The following RNF216 variants were observed in gnomAD, a reference collection of about 807,000 sequenced individuals.
The protein encoded by RNF216 is E3 ubiquitin-protein ligase RNF216.
RNF216 carries 72 observed loss-of-function variants against 110.8 expected under a neutral mutation model. The ratio of observed to expected loss-of-function variants is 0.65; its 90% CI spans 0.54 to 0.79. RNF216 has a LOEUF of 0.79. Ranked by LOEUF, RNF216 falls within the 30% of genes least tolerant of loss-of-function variation. The pLI, the probability that RNF216 is intolerant of heterozygous loss-of-function variation, is 0.00. For missense variants in RNF216, 1,342 were observed against 1,141.2 expected (o/e 1.18, Z -2.54); for synonymous variants, 495 against 407.5 (o/e 1.21, Z -2.59).
chr7:5,753,400 T>G (rs951493149), intron 2 of RNF216, among the ~76,000 whole-genome samples: 1 of 152,206 alleles, frequency 6.6e-6, no homozygotes, highest in African/African-American at 2.4e-5. Context: ...TTTTAATTGT[T>G]TAAAATATTG....
At chr7:5,773,631 G>A (rs781059493) in intron 1 of RNF216, among the ~76,000 whole-genome samples, 17 of 151,610 alleles carry the variant, frequency 1.1e-4, no homozygotes, top group African/African-American at 3.9e-4. Context: ...GCAGTGGCAC[G>A]ATCTCAGCTC....
intron 5 of RNF216, among the ~76,000 whole-genome samples, chr7:5,736,638 CG>C (rs1325855144): frequency 8.0e-5 from 12 of 149,950 alleles, no homozygotes; most frequent in African/African-American, 2.5e-4. Context: ...AAGTGAGGAG[CG>C]CCTCTTCCCG....
At chr7:5,705,677 G>A (rs1441365355) in intron 13 of RNF216, among the ~76,000 whole-genome samples, 1 of 152,132 alleles carries the variant, frequency 6.6e-6, no homozygotes, top group Non-Finnish European at 1.5e-5. Context: ...GGGAGGCCAA[G>A]GCAGGCAGAT....
At chr7:5,627,860 G>A (rs1410508886) in intron 15 of RNF216, among the ~76,000 whole-genome samples, 2 of 152,126 alleles carry the variant, frequency 1.3e-5, no homozygotes, top group African/African-American at 4.8e-5. Context: ...GCCCCCTGTG[G>A]CACTGCTGAG....
intron 1 of RNF216, among the ~76,000 whole-genome samples, chr7:5,768,921 A>G (rs1796349445): frequency 6.6e-6 from 1 of 152,038 alleles, no homozygotes; most frequent in East Asian, 1.9e-4. Flanking sequence ...TCGACCTCCC[A>G]AAGTGCTGGG....
intron 15 of RNF216, among the ~76,000 whole-genome samples, chr7:5,640,064 T>C (rs1787642514): frequency 6.6e-6 from 1 of 151,492 alleles, no homozygotes; most frequent in African/African-American, 2.4e-5. Flanking sequence ...CGGCCAATTT[T>C]TTTTTTTTTT....
intron 7 of RNF216, among the ~76,000 whole-genome samples, chr7:5,727,333 G>C (rs961964203): frequency 6.6e-6 from 1 of 152,140 alleles, no homozygotes; most frequent in African/African-American, 2.4e-5. Flanking sequence ...TCTCTAATTT[G>C]GCATCTATCC....
intron 15 of RNF216, among the ~76,000 whole-genome samples, chr7:5,639,351 C>G (rs181554835): frequency 4.1e-4 from 63 of 152,296 alleles, no homozygotes; most frequent in African/African-American, 1.4e-3. Flanking sequence ...TGCTAGCCCA[C>G]CCCTGGGCTG....
At chr7:5,743,130 G>A (rs773102249) in intron 3 of RNF216, among the ~76,000 whole-genome samples, 1 of 151,954 alleles carries the variant, frequency 6.6e-6, no homozygotes, top group Non-Finnish European at 1.5e-5. Flanking sequence ...ACATGGTGGC[G>A]TGTGCCTGCA....
In RNF216 at chr7:5,726,408, C is replaced by T. The variant is rs139991671; in HGVS notation, c.1390-970G>A. ...GGTCAATGCTCCTCTTTACTCTCCC[C>T]TAACCTGCTTCCCCCACACTCTTCT... On this transcript the variant is annotated intron_variant, in intron 7 of 16. Coordinates refer to ENST00000389902, the MANE Select transcript of RNF216 (RefSeq NM_207111.4). 4.1e-4 allele frequency among the ~76,000 whole-genome samples: 63 copies of T among 152,296 alleles called. 5 individuals are homozygous for T. The East Asian group carries it at 0.011, about 27-fold the overall frequency.
intron 2 of RNF216, among the ~76,000 whole-genome samples, chr7:5,759,150 T>C (rs1319033385): frequency 6.6e-6 from 1 of 152,146 alleles, no homozygotes. Flanking sequence ...GCTCCAGCCA[T>C]GTGAGACAAG....
intron 15 of RNF216, among the ~76,000 whole-genome samples, chr7:5,628,141 G>A (rs575628460): frequency 1.3e-4 from 20 of 152,206 alleles, no homozygotes; most frequent in South Asian, 2.1e-4. Context: ...CTCACCCTCC[G>A]AAGACAGCCA....
At position 5,696,979 on chromosome 7, in the gene RNF216, G is replaced by A. The variant is rs961363508; in HGVS notation, c.2061+14782C>T. Among the ~76,000 whole-genome samples, 6 of 151,948 alleles carry A rather than the reference G, an allele frequency of 3.9e-5. No homozygotes were observed. The highest frequency in any genetic ancestry group is 1.2e-4 in the African/African-American group (5 of 41,340). The stretch of plus-strand genomic sequence containing the variant: ...TGATCCCACTGTGTCCCTCCATTAC[G>A]CCAGCAACAGCTCCAGGGACGGGGG... On this transcript the variant is annotated intron_variant, in intron 13 of 16. Coordinates refer to ENST00000389902, the MANE Select transcript of RNF216 (RefSeq NM_207111.4). The surrounding 1 kb of genome is among the most constrained non-coding windows in gnomAD (Gnocchi z 5.4).
At position 5,748,928 on chromosome 7, in the gene RNF216, G is replaced by A. The variant is rs111230722; in HGVS notation, c.201+3918C>T. On this transcript the variant is annotated intron_variant, in intron 3 of 16. Transcript: ENST00000389902. ...AAGGCTATAAGATCTGCTTCTCTGT[G>A]TCTCCGTGTCTATATATGCGTTATG... is the stretch of plus-strand genomic sequence containing the variant. 2.2e-3 allele frequency among the ~76,000 whole-genome samples: 341 copies of A among 152,198 alleles called. 4 individuals carry two copies. The highest frequency in any genetic ancestry group is 0.01 in the Middle Eastern group (3 of 294).
intron 3 of RNF216, among the ~76,000 whole-genome samples, chr7:5,750,210 C>G (rs1167231995): frequency 6.6e-6 from 1 of 152,172 alleles, no homozygotes; most frequent in Non-Finnish European, 1.5e-5. Context: ...TTTAAGCATT[C>G]CCTGTCTTAC....
intron 13 of RNF216, 68 bp downstream of exon 13, chr7:5,711,693 T>A (rs537710575): frequency 6.4e-6 from 8 of 1,255,094 alleles, no homozygotes; most frequent in Non-Finnish European, 9.1e-6. Context: ...CAGCAGATAT[T>A]TGGGCCATGA....
chr7:5,707,865 A>T (rs1001781119), intron 13 of RNF216, among the ~76,000 whole-genome samples: 1 of 152,004 alleles, frequency 6.6e-6, no homozygotes, highest in Non-Finnish European at 1.5e-5. Flanking sequence ...AGCTGCGATT[A>T]CAGGCGCACG....
At chr7:5,638,356 T>G (rs1037980673) in intron 15 of RNF216, among the ~76,000 whole-genome samples, 1 of 152,250 alleles carries the variant, frequency 6.6e-6, no homozygotes, top group Non-Finnish European at 1.5e-5. Flanking sequence ...AACAACTCAG[T>G]GAACAGTGTT....
intron 15 of RNF216, among the ~76,000 whole-genome samples, chr7:5,627,110 G>C (rs1420472849): frequency 6.6e-6 from 1 of 152,148 alleles, no homozygotes; most frequent in Non-Finnish European, 1.5e-5. Flanking sequence ...GCACAAGGGG[G>C]TACCTCAGGA....
Sources: gnomAD v4.1 joint callset for allele counts (sites outside exome capture counted in the v4.1 genomes callset) on GRCh38, gnomAD v4.1.1 for gene constraint, Gnocchi (gnomAD v3.1) non-coding constraint, MANE v1.5 for transcripts, NCBI Gene and HGNC (gene_info 2026-07-23, HGNC 2026-07-21) for gene names.